The following FGF14 variants were observed in gnomAD, a reference collection of about 807,000 sequenced individuals.
The protein encoded by FGF14 is fibroblast growth factor 14.
In FGF14, 5 loss-of-function variants were observed where a neutral mutation model predicts 25.5. That is an observed-to-expected ratio of 0.20 (90% CI 0.10 to 0.41). The LOEUF (loss-of-function observed/expected upper bound fraction) is 0.41. Among genes scored for constraint, FGF14 ranks in the 10% least tolerant of loss-of-function variants. The pLI, the probability that FGF14 is intolerant of heterozygous loss-of-function variation, is 1.00. For synonymous variants in FGF14, 138 were observed against 118.3 expected (o/e 1.17, Z -1.08); for missense variants, 222 against 320.1 (o/e 0.69, Z 2.34).
At chr13:102,037,868 C>G (rs552707825) in intron 1 of FGF14, among the ~76,000 whole-genome samples, 1 of 152,192 alleles carries the variant, frequency 6.6e-6, no homozygotes, top group South Asian at 2.1e-4. Context: ...TCAGTACTCC[C>G]TAGAAAGTAT....
chr13:102,401,441 A>T, intron 1 of FGF14: 3 of 1,605,974 alleles, frequency 1.9e-6, no homozygotes, highest in Non-Finnish European at 2.6e-6. Flanking sequence ...ATTATGAGGA[A>T]AAACATAACA....
rs539027738 is a variant in FGF14 at position 101,719,548 on chromosome 13, C to A, written c.*3283G>T. On this transcript the variant is annotated 3_prime_UTR_variant, in exon 5 of 5. Coordinates refer to ENST00000376143, the MANE Select transcript of FGF14 (RefSeq NM_004115.4). ...CTAATTTTTCCAAGTAAAGTGGTAG[C>A]AAAATGTTTTAAAAAGCAATCTTAT... is the stretch of plus-strand genomic sequence containing the variant. 6.6e-6 allele frequency: 1 copy of A among 152,082 alleles called. No individual in the cohort carries two copies. The highest frequency in any genetic ancestry group is 2.1e-4 in the South Asian group (1 of 4,822). The allele number at this position is 152,082 out of a possible 1,614,324, so 9.4% of individuals were successfully genotyped here.
At chr13:101,823,511 C>T (rs976796248) in intron 3 of FGF14, among the ~76,000 whole-genome samples, 3 of 150,594 alleles carry the variant, frequency 2.0e-5, no homozygotes, top group Non-Finnish European at 4.4e-5. Context: ...GATCTCGGCT[C>T]ACCACAACCA....
chr13:101,862,844 T>A (rs990669502), intron 3 of FGF14, among the ~76,000 whole-genome samples: 2 of 152,000 alleles, frequency 1.3e-5, no homozygotes, highest in African/African-American at 4.8e-5. Context: ...GTGAAAGAAG[T>A]CACAGAAAAG....
intron 1 of FGF14, among the ~76,000 whole-genome samples, chr13:102,223,587 G>C (rs2050709663): frequency 6.6e-6 from 1 of 152,082 alleles, no homozygotes; most frequent in South Asian, 2.1e-4. Flanking sequence ...GCTTTCAGAA[G>C]GACTTTTGGT....
intron 1 of FGF14, among the ~76,000 whole-genome samples, chr13:101,983,541 T>C (rs1350186718): frequency 1.3e-5 from 2 of 150,348 alleles, no homozygotes; most frequent in Admixed American, 6.6e-5. Context: ...ATGTCTTTGA[T>C]TGTTAGCCTT....
In FGF14 at chr13:101,916,753, G is replaced by A. The variant is rs566426900; in HGVS notation, c.-108C>T. The A allele has an allele frequency of 2.7e-4, 266 of 975,680 alleles. 1 individual carries two copies. The African/African-American group carries it at 3.9e-3, about 14-fold the overall frequency. 60.4% of individuals were successfully genotyped at this position (975,680 alleles called of 1,614,324 possible). A position where few individuals can be genotyped will look rare whatever the true frequency, so the allele number is the denominator to read the frequency against. On this transcript the variant is annotated 5_prime_UTR_variant, in exon 1 of 5. Transcript: ENST00000376143. Reference sequence around the variant, plus strand: ...GACCGTGGCTCGCCCTCGGGGCAGAGGAGGGGGTGCCAGGCGGGACTGGGG... The same window carrying A: ...GACCGTGGCTCGCCCTCGGGGCAGAAGAGGGGGTGCCAGGCGGGACTGGGG...
chr13:101,925,020 T>C (rs2034269912), intron 1 of FGF14, among the ~76,000 whole-genome samples: 1 of 152,178 alleles, frequency 6.6e-6, no homozygotes, highest in African/African-American at 2.4e-5. Flanking sequence ...TCACAATTTT[T>C]ATTCAACTGT....
At chr13:101,929,877 T>A (rs1340143252) in intron 1 of FGF14, among the ~76,000 whole-genome samples, 3 of 152,236 alleles carry the variant, frequency 2.0e-5, no homozygotes, top group Non-Finnish European at 2.9e-5. Context: ...AAGGAGCATG[T>A]GCAACTTGCA....
At chr13:101,757,751 T>A (rs770295135) in intron 3 of FGF14, among the ~76,000 whole-genome samples, 9 of 152,176 alleles carry the variant, frequency 5.9e-5, no homozygotes, top group Non-Finnish European at 1.3e-4. Context: ...GGTTCAGGGA[T>A]TTTTATCAGC....
At chr13:101,976,299 C>T (rs9557774) in intron 1 of FGF14, among the ~76,000 whole-genome samples, 53,968 of 151,914 alleles carry the variant, frequency 0.36, 10,121 homozygotes, top group East Asian at 0.71. Context: ...GAATATATAA[C>T]AGTTACACTT....
At chr13:102,258,700 T>C (rs2052568505) in intron 1 of FGF14, among the ~76,000 whole-genome samples, 1 of 152,172 alleles carries the variant, frequency 6.6e-6, no homozygotes, top group Admixed American at 6.5e-5. Flanking sequence ...CCACCTGTTG[T>C]GCTGTGGGTA....
At chr13:102,305,110 A>G (rs1047906754) in intron 1 of FGF14, among the ~76,000 whole-genome samples, 2 of 152,214 alleles carry the variant, frequency 1.3e-5, no homozygotes, top group East Asian at 3.9e-4. Context: ...AATTCAACTC[A>G]GCACTGAAAA....
chr13:102,275,287 T>TCTCTCTC (rs2053480489), intron 1 of FGF14, among the ~76,000 whole-genome samples: 1 of 147,252 alleles, frequency 6.8e-6, no homozygotes, highest in Non-Finnish European at 1.5e-5. Context: ...TCTCTCTCTC[T>TCTCTCTC]GCCACTCTAA....
chr13:102,386,448 A>T (rs941372080), intron 1 of FGF14, among the ~76,000 whole-genome samples: 1 of 152,214 alleles, frequency 6.6e-6, no homozygotes, highest in South Asian at 2.1e-4. Context: ...AAAATATTTA[A>T]AAGTATTTCT....
Position 101,748,788 on chromosome 13 carries a change from A to G in FGF14, c.409-21978T>C, listed in dbSNP as rs184153018. ...AAAAAAAAAAAAATAGAATTACTAT[A>G]TAATCCAGCAACTTCACTTCTGAGT... On this transcript the variant is annotated intron_variant, in intron 3 of 4. Coordinates refer to ENST00000376143, the MANE Select transcript of FGF14 (RefSeq NM_004115.4). Among the ~76,000 whole-genome samples, 651 of 150,804 alleles carry G rather than the reference A, an allele frequency of 4.3e-3. 7 individuals are homozygous for G. The highest frequency in any genetic ancestry group is 7.6e-3 in the Non-Finnish European group (513 of 67,662).
chr13:102,343,598 G>C (rs1012807514), intron 1 of FGF14, among the ~76,000 whole-genome samples: 1 of 152,180 alleles, frequency 6.6e-6, no homozygotes, highest in African/African-American at 2.4e-5. Flanking sequence ...TGGATTAGAA[G>C]GGTGTGATAT....
chr13:102,072,146 A>G (rs1209782045), intron 1 of FGF14, among the ~76,000 whole-genome samples: 1 of 152,220 alleles, frequency 6.6e-6, no homozygotes, highest in Non-Finnish European at 1.5e-5. Flanking sequence ...CAAAGCAGGA[A>G]AAGGCAATGT....
chr13:101,985,932 G>GA (rs1431703898), intron 1 of FGF14, among the ~76,000 whole-genome samples: 1 of 152,104 alleles, frequency 6.6e-6, no homozygotes, highest in Non-Finnish European at 1.5e-5. Flanking sequence ...CAAGTGTTCA[G>GA]AAAACATCCA....
Sources: allele counts gnomAD v4.1 joint callset (sites outside exome capture counted in the v4.1 genomes callset), GRCh38; gene constraint gnomAD v4.1.1; transcripts MANE v1.5; gene names NCBI Gene and HGNC (gene_info 2026-07-23, HGNC 2026-07-21).